FSTL5: variants seen among roughly 807,000 people sequenced by gnomAD.
FSTL5 encodes follistatin like 5, also known as follistatin-related protein 5.
A neutral mutation model predicts 89.1 loss-of-function variants in FSTL5; 62 were observed. That is an observed-to-expected ratio of 0.70 (90% confidence interval 0.57 to 0.86). The LOEUF is 0.86. FSTL5 is among the 40% of genes least tolerant of loss of function. The pLI is 0.00. For synonymous variants in FSTL5, 383 were observed against 346.2 expected, an observed-to-expected ratio of 1.11 and a Z score of -1.18; for missense variants, 1,057 against 1,001.6, an observed-to-expected ratio of 1.06 and a Z score of -0.75.
intron 15 of FSTL5, among the ~76,000 whole-genome samples, chr4:161,412,129 A>G (rs1461166491): frequency 6.6e-6 from 1 of 152,140 alleles, no homozygotes; most frequent in Non-Finnish European, 1.5e-5. Context: ...ATACAGCTAA[A>G]CAAGGAGGGT....
intron 7 of FSTL5, among the ~76,000 whole-genome samples, chr4:161,614,591 A>G (rs1204893470): frequency 6.6e-6 from 1 of 152,176 alleles, no homozygotes; most frequent in East Asian, 1.9e-4. Flanking sequence ...GACTTCATTG[A>G]TTATTAAGAG....
intron 2 of FSTL5, among the ~76,000 whole-genome samples, chr4:162,101,433 GA>G (rs1350914574): frequency 6.6e-6 from 1 of 152,108 alleles, no homozygotes; most frequent in Non-Finnish European, 1.5e-5. Context: ...TGAACTTAAA[GA>G]AAAGCATTAA....
At chr4:161,826,427 T>TTTG (rs976983931) in intron 4 of FSTL5, among the ~76,000 whole-genome samples, 1 of 152,280 alleles carries the variant, frequency 6.6e-6, no homozygotes, top group Middle Eastern at 3.4e-3. Flanking sequence ...CATTGTTTTT[T>TTTG]TTGTTGTTGT....
chr4:161,785,853 CTT>C (rs1206991953), intron 4 of FSTL5, among the ~76,000 whole-genome samples: 19 of 151,916 alleles, frequency 1.3e-4, no homozygotes, highest in Non-Finnish European at 2.9e-5. Context: ...ATATTTTTTT[CTT>C]GTCAATGAAT....
At chr4:162,056,076 T>G (rs956151726) in intron 2 of FSTL5, among the ~76,000 whole-genome samples, 1 of 151,820 alleles carries the variant, frequency 6.6e-6, no homozygotes, top group Admixed American at 6.6e-5. Context: ...CCTGTAGAAA[T>G]ATTGATAGTT....
At chr4:161,491,113 T>C (rs1729859606) in intron 12 of FSTL5, among the ~76,000 whole-genome samples, 1 of 151,838 alleles carries the variant, frequency 6.6e-6, no homozygotes, top group Non-Finnish European at 1.5e-5. Flanking sequence ...TCTTTTTTAC[T>C]AAAAATTTAA....
At chr4:162,135,286 T>G (rs996503442) in intron 1 of FSTL5, among the ~76,000 whole-genome samples, 1 of 152,060 alleles carries the variant, frequency 6.6e-6, no homozygotes. Flanking sequence ...CATAATAATT[T>G]ATTTCAATAA....
intron 15 of FSTL5, among the ~76,000 whole-genome samples, chr4:161,413,560 A>G (rs956439678): frequency 1.3e-4 from 20 of 152,294 alleles, no homozygotes; most frequent in Admixed American, 9.8e-4. Flanking sequence ...TTATCCAGCA[A>G]TCCCATTACT....
intron 6 of FSTL5, among the ~76,000 whole-genome samples, chr4:161,744,103 C>T (rs1395042388): frequency 6.6e-6 from 1 of 151,878 alleles, no homozygotes; most frequent in Non-Finnish European, 1.5e-5. Flanking sequence ...TTAAATCATC[C>T]TGTTTTTTTC....
intron 7 of FSTL5, among the ~76,000 whole-genome samples, chr4:161,642,655 A>T (rs1736005912): frequency 6.6e-6 from 1 of 152,224 alleles, no homozygotes; most frequent in South Asian, 2.1e-4. Flanking sequence ...ACATTTGATA[A>T]GACAGGGATG....
chr4:161,920,170 A>T (rs1435686803), intron 4 of FSTL5, among the ~76,000 whole-genome samples: 3 of 152,196 alleles, frequency 2.0e-5, no homozygotes, highest in African/African-American at 7.2e-5. Context: ...GCAATGCTGA[A>T]AGCTATATTA....
intron 6 of FSTL5, among the ~76,000 whole-genome samples, chr4:161,754,161 G>A (rs1740497803): frequency 1.3e-5 from 2 of 148,802 alleles, no homozygotes. Flanking sequence ...TAGAATCATA[G>A]TTACCTCTTT....
chr4:161,629,348 A>C (rs1437396656), intron 7 of FSTL5, among the ~76,000 whole-genome samples: 2 of 149,696 alleles, frequency 1.3e-5, no homozygotes, highest in Admixed American at 1.3e-4. Flanking sequence ...AAATTAGATA[A>C]TTTTTTTTTT....
At chr4:161,516,194 C>G (rs1730823011) in intron 10 of FSTL5, among the ~76,000 whole-genome samples, 1 of 148,582 alleles carries the variant, frequency 6.7e-6, no homozygotes, top group Non-Finnish European at 1.5e-5. Flanking sequence ...AAAACTTTTA[C>G]CTTCTGCTTA....
chr4:161,958,723 T>C (rs555677629), intron 3 of FSTL5, among the ~76,000 whole-genome samples: 36 of 152,196 alleles, frequency 2.4e-4, no homozygotes, highest in African/African-American at 8.4e-4. Flanking sequence ...CCACTGATAA[T>C]TTTCTCACAT....
At chr4:161,995,307 A>G (rs1376777634) in intron 3 of FSTL5, among the ~76,000 whole-genome samples, 1 of 152,194 alleles carries the variant, frequency 6.6e-6, no homozygotes. Flanking sequence ...ATAATCTGAA[A>G]TTATACTTTT....
chr4:161,872,050 G>T (rs189619176), intron 4 of FSTL5, among the ~76,000 whole-genome samples: 235 of 150,564 alleles, frequency 1.6e-3, no homozygotes, highest in African/African-American at 5.6e-3. Context: ...TGAGTGCAGT[G>T]GTGTGATCTC....
intron 15 of FSTL5, among the ~76,000 whole-genome samples, chr4:161,389,711 C>T (rs756254858): frequency 6.6e-6 from 1 of 152,070 alleles, no homozygotes; most frequent in Non-Finnish European, 1.5e-5. Context: ...AAAAGTACTA[C>T]CTTGCTCTGA....
chr4:161,542,516 A>T lies in FSTL5; in HGVS notation c.1177+16T>A, dbSNP rs72685743. The T allele has an allele frequency of 0.11, 153,633 of 1,395,760 alleles. 9,445 individuals are homozygous for T. Among genetic ancestry groups the T allele is most frequent in the African/African-American group, 0.18 (12,190 of 67,390 alleles). The allele number at this position is 1,395,760 out of a possible 1,614,324, so 86.5% of individuals were successfully genotyped here. ...AACATGGTCATTTAAGAGAAAAAAA[A>T]GCAAGTAAAAAGCACCTTGAAGCGT... is the stretch of plus-strand genomic sequence containing the variant. On this transcript the variant is annotated intron_variant, in intron 9 of 15. Coordinates refer to ENST00000306100, the MANE Select transcript of FSTL5 (RefSeq NM_020116.5).
Sources: allele counts gnomAD v4.1 joint callset (sites outside exome capture counted in the v4.1 genomes callset), GRCh38; gene constraint gnomAD v4.1.1; transcripts MANE v1.5; gene names NCBI Gene and HGNC (gene_info 2026-07-23, HGNC 2026-07-21).